RGS6: variants seen among roughly 807,000 people sequenced by gnomAD.
RGS6 encodes regulator of G-protein signaling 6.
In RGS6, 30 loss-of-function variants were observed where a neutral mutation model predicts 78.5. That is an observed-to-expected ratio of 0.38 (90% CI 0.29 to 0.52). The LOEUF (loss-of-function observed/expected upper bound fraction) is 0.52, where lower values mean the gene tolerates loss of function less well. RGS6 is among the 20% of genes least tolerant of loss of function. The pLI, the probability that RGS6 is intolerant of heterozygous loss-of-function variation, is 0.85. For synonymous variants in RGS6, 206 were observed against 206.0 expected (o/e 1.00, Z 0.00); for missense variants, 495 against 609.7 (o/e 0.81, Z 1.98).
At chr14:72,445,648 G>A (rs2095345828) in intron 3 of RGS6, among the ~76,000 whole-genome samples, 1 of 152,174 alleles carries the variant, frequency 6.6e-6, no homozygotes, top group Non-Finnish European at 1.5e-5. Flanking sequence ...ATATACATGT[G>A]TGGGTGTTTA....
intron 2 of RGS6, among the ~76,000 whole-genome samples, chr14:72,032,422 A>G (rs11848888): frequency 0.051 from 7,706 of 152,288 alleles, 276 homozygotes; most frequent in African/African-American, 0.097. Flanking sequence ...TTGATTATCA[A>G]TAAGACTGGG....
chr14:71,924,777 T>A, the RGS6 span, among the ~76,000 whole-genome samples: 1 of 152,242 alleles, frequency 6.6e-6, no homozygotes, highest in Admixed American at 6.5e-5. Flanking sequence ...TACATGTCTA[T>A]GTATCTAAAT....
In RGS6 at chr14:72,536,238, C is replaced by A; in HGVS notation, c.1331C>A (p.Ser444Ter). 4 of 1,613,892 alleles carry A rather than the reference C, an allele frequency of 2.5e-6. No homozygotes were observed. The South Asian group carries it at 4.4e-5, about 18-fold the overall frequency. The change falls in exon 16 of 18, where the codon TCA becomes TAA. Residue 444 changes from serine (S) to a stop codon, truncating the protein, a stop_gained. Coordinates refer to ENST00000553525, the MANE Select transcript of RGS6 (RefSeq NM_001204424.2). LOFTEE classifies it high-confidence loss of function. Reference protein sequence around the residue: ...KSDSYARFLRSNAYQDLLLAK... With the variant: ...KSDSYARFLR ...GACAGCTATGCCCGCTTCCTCCGGT[C>A]AAATGCTTACCAGGATTTGCTGCTG...
At chr14:72,412,900 A>G (rs1431282061) in intron 3 of RGS6, among the ~76,000 whole-genome samples, 1 of 151,750 alleles carries the variant, frequency 6.6e-6, no homozygotes, top group Admixed American at 6.6e-5. Context: ...CTTAATCCTG[A>G]GTTCTAGTTT....
rs116668593 is a variant in RGS6 at position 72,018,063 on chromosome 14, C to T, written c.84+53188C>T. ...TCTTGTGTTAGTCTGCTGAGGATGA[C>T]GGCTTCCAGCTCCATCCATGTCCCT... On this transcript the variant is annotated intron_variant, in intron 2 of 17. Transcript: ENST00000553525. Among the ~76,000 whole-genome samples the T allele has an allele frequency of 4.6e-3, 701 of 152,244 alleles. 5 individuals are homozygous for T. The highest frequency in any genetic ancestry group is 0.016 in the African/African-American group (681 of 41,526).
intron 2 of RGS6, among the ~76,000 whole-genome samples, chr14:72,124,889 A>C (rs1457387189): frequency 6.6e-6 from 1 of 152,184 alleles, no homozygotes; most frequent in Non-Finnish European, 1.5e-5. Context: ...TAAGTAGTAT[A>C]AAGGCCAAAA....
At chr14:72,255,068 G>A (rs879781733) in intron 2 of RGS6, among the ~76,000 whole-genome samples, 15 of 152,198 alleles carry the variant, frequency 9.9e-5, no homozygotes, top group South Asian at 2.1e-4. Context: ...GCCACTCAGC[G>A]GAAGCACAGA....
At chr14:72,248,611 C>A (rs2054839451) in intron 2 of RGS6, among the ~76,000 whole-genome samples, 1 of 152,176 alleles carries the variant, frequency 6.6e-6, no homozygotes, top group Admixed American at 6.5e-5. Context: ...GAAACATATT[C>A]TTTTAATTCT....
At chr14:72,268,203 C>T (rs1441683629) in intron 2 of RGS6, among the ~76,000 whole-genome samples, 2 of 152,212 alleles carry the variant, frequency 1.3e-5, no homozygotes, top group African/African-American at 4.8e-5. Context: ...TCCGGGGGAG[C>T]TCATCTTTCT....
intron 3 of RGS6, among the ~76,000 whole-genome samples, chr14:72,429,530 C>T (rs1383099112): frequency 6.6e-6 from 1 of 151,994 alleles, no homozygotes; most frequent in African/African-American, 2.4e-5. Context: ...ATGAAGCCAG[C>T]CAGAAAAAGA....
chr14:72,502,151 T>G (rs1250559381), intron 13 of RGS6, among the ~76,000 whole-genome samples: 5 of 152,154 alleles, frequency 3.3e-5, no homozygotes, highest in East Asian at 1.9e-4. Context: ...TATTTGCTCT[T>G]GAGACATTCC....
chr14:72,328,455 T>G (rs563440056), intron 2 of RGS6, among the ~76,000 whole-genome samples: 29 of 152,296 alleles, frequency 1.9e-4, no homozygotes, highest in African/African-American at 7.0e-4. Flanking sequence ...AAATGGTTCC[T>G]ACTTTCACGG....
chr14:72,188,475 C>T (rs923555712), intron 2 of RGS6, among the ~76,000 whole-genome samples: 2 of 69,018 alleles, frequency 2.9e-5, no homozygotes, highest in African/African-American at 1.0e-4. Context: ...CTAACTATAG[C>T]AGTTATCATC....
rs148532368 is a variant in RGS6, at chr14:72,224,580, A to G, written c.85-127515A>G. Among the ~76,000 whole-genome samples the G allele has an allele frequency of 1.4e-4, 21 of 152,262 alleles. No homozygotes were observed. In the East Asian group the frequency reaches 3.1e-3, roughly 22 times the overall value. On this transcript the variant is annotated intron_variant, in intron 2 of 17. Transcript: ENST00000553525. The stretch of plus-strand genomic sequence containing the variant: ...TTTAGTACTTCTTATTATATATACA[A>G]GAATCATGGATATGCTCAACTTTAT...
the RGS6 span, among the ~76,000 whole-genome samples, chr14:72,617,195 G>T: frequency 6.6e-6 from 1 of 152,226 alleles, no homozygotes; most frequent in Admixed American, 6.5e-5. Context: ...CTCTGAAGAG[G>T]ACGTGTGAAG....
Position 72,562,770 on chromosome 14 carries a change from G to C in RGS6, c.*303G>C, listed in dbSNP as rs1181390807. 1.3e-6 allele frequency: 2 copies of C among 1,528,668 alleles called. No individual in the cohort carries two copies. Among genetic ancestry groups the C allele is most frequent in the East Asian group, 2.4e-5 (1 of 40,904 alleles). 94.7% of individuals were successfully genotyped at this position (1,528,668 alleles called of 1,614,324 possible). A position where few individuals can be genotyped will look rare whatever the true frequency, so the allele number is the denominator to read the frequency against. ...CCCTGATCCCAGCTCATTCAGGGGA[G>C]AACACGTCGTGGGGTTCCTGTCACG... On this transcript the variant is annotated 3_prime_UTR_variant, in exon 18 of 18. Transcript: ENST00000553525.
At chr14:72,398,402 C>T (rs1265789284) in intron 3 of RGS6, among the ~76,000 whole-genome samples, 8 of 152,164 alleles carry the variant, frequency 5.3e-5, no homozygotes, top group Non-Finnish European at 1.0e-4. Flanking sequence ...GTGATATCCC[C>T]TTTATCATTT....
chr14:72,355,538 A>G (rs951532619), intron 3 of RGS6, among the ~76,000 whole-genome samples: 5 of 152,122 alleles, frequency 3.3e-5, no homozygotes, highest in Non-Finnish European at 7.3e-5. Flanking sequence ...AGTGTTCACT[A>G]TTTTCTAAGC....
At chr14:72,287,649 A>G (rs201636177) in intron 2 of RGS6, among the ~76,000 whole-genome samples, 1 of 151,508 alleles carries the variant, frequency 6.6e-6, no homozygotes, top group South Asian at 2.1e-4. Context: ...GTAGAGACGG[A>G]GTTTCACCAT....
Sources: allele counts gnomAD v4.1 joint callset (sites outside exome capture counted in the v4.1 genomes callset), GRCh38; gene constraint gnomAD v4.1.1; transcripts MANE v1.5; gene names NCBI Gene and HGNC (gene_info 2026-07-23, HGNC 2026-07-21).